The following COX7A2 variants were observed in gnomAD, a reference collection of about 807,000 sequenced individuals.
COX7A2 encodes cytochrome c oxidase subunit 7A2.
A neutral mutation model predicts 11.6 loss-of-function variants in COX7A2; 11 were observed. That is an observed-to-expected ratio of 0.95 (90% CI 0.60 to 1.57). COX7A2 has a LOEUF of 1.57. COX7A2 is among the 40% of genes most tolerant of loss of function. The pLI is 0.00. For missense variants in COX7A2, 106 were observed against 100.9 expected (o/e 1.05, Z -0.22); for synonymous variants, 30 against 38.2 (o/e 0.78, Z 0.79).
chr6:75,240,891 A>G (rs1203840183), intron 2 of COX7A2: 2 of 245,444 alleles, frequency 8.1e-6, no homozygotes, highest in African/African-American at 4.4e-5. Flanking sequence ...TATATATGAT[A>G]CAACTATTTT....
chr6:75,243,974 C>G, upstream of COX7A2: 3 of 677,994 alleles, frequency 4.4e-6, no homozygotes, highest in South Asian at 3.7e-5. Context: ...CTGACCTTTT[C>G]GATGTTCAGT....
upstream of COX7A2, among the ~76,000 whole-genome samples, chr6:75,244,683 A>T (rs1370736998): frequency 6.6e-6 from 1 of 152,200 alleles, no homozygotes; most frequent in Non-Finnish European, 1.5e-5. Context: ...CTTACAAATT[A>T]TTTGATTGCC....
chr6:75,243,001 CACT>C (rs1270220643), intron 1 of COX7A2, among the ~76,000 whole-genome samples: 2 of 152,114 alleles, frequency 1.3e-5, no homozygotes, highest in Admixed American at 6.5e-5. Flanking sequence ...AAGAGACATG[CACT>C]ACATATCCAG....
chr6:75,244,083 G>A, upstream of COX7A2: 1 of 329,514 alleles, frequency 3.0e-6, no homozygotes, highest in Non-Finnish European at 5.8e-6. Context: ...GGCTATCAAA[G>A]AAAACTAGTG....
chr6:75,243,838 C>T (rs780168304), upstream of COX7A2: 2 of 1,613,284 alleles, frequency 1.2e-6, no homozygotes, highest in African/African-American at 2.7e-5. Flanking sequence ...CATTCACGAA[C>T]TTAAATCTTT....
At chr6:75,247,132 C>T (rs1219222300), upstream of COX7A2, among the ~76,000 whole-genome samples, 1 of 152,182 alleles carries the variant, frequency 6.6e-6, no homozygotes, top group Non-Finnish European at 1.5e-5. Flanking sequence ...GTAAGATGGA[C>T]ATCAGATGCG....
At chr6:75,242,778 C>T (rs565415517) in intron 1 of COX7A2, among the ~76,000 whole-genome samples, 1 of 152,056 alleles carries the variant, frequency 6.6e-6, no homozygotes, top group South Asian at 2.1e-4. Flanking sequence ...GAGATCGTGC[C>T]ACTGCACTCC....
At chr6:75,240,977 T>C (rs1427208858) in intron 2 of COX7A2, 199 bp downstream of exon 2, 1 of 492,272 alleles carries the variant, frequency 2.0e-6, no homozygotes, top group Non-Finnish European at 3.3e-6. Context: ...AAACTACTTA[T>C]AAAGGTAAAT....
At chr6:75,249,603 G>A (rs1490428075) in intron 1 of COX7A2, among the ~76,000 whole-genome samples, 1 of 152,204 alleles carries the variant, frequency 6.6e-6, no homozygotes, top group Non-Finnish European at 1.5e-5. Context: ...GGGAAGAAAG[G>A]TTGGGTAAGA....
At chr6:75,241,493 T>C (rs1326495574) in intron 1 of COX7A2, among the ~76,000 whole-genome samples, 2 of 152,232 alleles carry the variant, frequency 1.3e-5, no homozygotes, top group East Asian at 3.8e-4. Flanking sequence ...AAGCAATTCA[T>C]ATAGATTCTA....
At chr6:75,243,638 AG>A in intron 1 of COX7A2, 78 bp downstream of exon 1, 1 of 1,393,114 alleles carries the variant, frequency 7.2e-7, no homozygotes, top group East Asian at 2.3e-5. Context: ...CTCCCAGGTG[AG>A]GGTTTTCTGT....
chr6:75,249,595 G>A (rs1198234415), intron 1 of COX7A2, among the ~76,000 whole-genome samples: 1 of 152,178 alleles, frequency 6.6e-6, no homozygotes, highest in Non-Finnish European at 1.5e-5. Context: ...ACTATTATGG[G>A]AAGAAAGGTT....
intron 1 of COX7A2, among the ~76,000 whole-genome samples, chr6:75,243,382 C>T (rs1160058897): frequency 6.6e-6 from 1 of 152,064 alleles, no homozygotes; most frequent in Non-Finnish European, 1.5e-5. Context: ...TCAGACACTC[C>T]CCACCTGGGT....
At chr6:75,239,019 G>A (rs1771408210) in intron 3 of COX7A2, among the ~76,000 whole-genome samples, 1 of 152,030 alleles carries the variant, frequency 6.6e-6, no homozygotes. Context: ...TTCACCATGT[G>A]TGCCAGGCTA....
intron 3 of COX7A2, 125 bp downstream of exon 3, chr6:75,240,176 G>T (rs537553690): frequency 1.0e-5 from 7 of 703,206 alleles, no homozygotes; most frequent in Non-Finnish European, 1.5e-5. Flanking sequence ...ATGAGATATA[G>T]TAAGATATCA....
chr6:75,241,098 C>A (rs924331651), intron 2 of COX7A2, 78 bp downstream of exon 2: 1 of 1,519,758 alleles, frequency 6.6e-7, no homozygotes, highest in Non-Finnish European at 9.0e-7. Flanking sequence ...AATTTATACA[C>A]ATACTTGTTT....
chr6:75,242,711 T>C (rs1175841477), intron 1 of COX7A2, among the ~76,000 whole-genome samples: 2 of 151,154 alleles, frequency 1.3e-5, no homozygotes, highest in Non-Finnish European at 2.9e-5. Context: ...TCCCAGCTAG[T>C]TGGAAGGCTG....
upstream of COX7A2, among the ~76,000 whole-genome samples, chr6:75,245,279 C>G (rs996604275): frequency 6.6e-6 from 1 of 152,180 alleles, no homozygotes; most frequent in African/African-American, 2.4e-5. Flanking sequence ...ATCATGAGGT[C>G]AGGAGATCCA....
chr6:75,243,103 AAAAAT>A (rs1242676554), intron 1 of COX7A2, among the ~76,000 whole-genome samples: 2 of 152,234 alleles, frequency 1.3e-5, no homozygotes, highest in African/African-American at 4.8e-5. Context: ...AAATAATTTA[AAAAAT>A]AAAATAATCA....
Sources: allele counts gnomAD v4.1 joint callset (sites outside exome capture counted in the v4.1 genomes callset), GRCh38; gene constraint gnomAD v4.1.1; transcripts MANE v1.5; gene names NCBI Gene and HGNC (gene_info 2026-07-23, HGNC 2026-07-21).